PDZD2: variants seen among roughly 807,000 people sequenced by gnomAD.
PDZD2 encodes PDZ domain-containing protein 2.
In PDZD2, 90 loss-of-function variants were observed where a neutral mutation model predicts 220.7. The ratio of observed to expected loss-of-function variants is 0.41; its 90% CI spans 0.34 to 0.49. The LOEUF (loss-of-function observed/expected upper bound fraction) is 0.49. Ranked by LOEUF, PDZD2 falls within the 20% of genes least tolerant of loss-of-function variation. PDZD2 has a pLI of 0.28. For missense variants in PDZD2, 3,174 were observed against 3,608.5 expected (o/e 0.88, Z 3.08); for synonymous variants, 1,375 against 1,450.5 (o/e 0.95, Z 1.18).
At chr5:31,727,868 G>A (rs968679140) in intron 1 of PDZD2, among the ~76,000 whole-genome samples, 1 of 147,518 alleles carries the variant, frequency 6.8e-6, no homozygotes, top group East Asian at 2.0e-4. Flanking sequence ...GCCGGGTGTG[G>A]TGTGGGCCCC....
intron 2 of PDZD2, among the ~76,000 whole-genome samples, chr5:31,969,145 G>A (rs1349616240): frequency 6.6e-6 from 1 of 152,104 alleles, no homozygotes; most frequent in Non-Finnish European, 1.5e-5. Flanking sequence ...GGGACTATGA[G>A]ATCTGTCTCT....
At chr5:32,096,860 A>G (rs1743761531) in intron 21 of PDZD2, among the ~76,000 whole-genome samples, 1 of 123,478 alleles carries the variant, frequency 8.1e-6, no homozygotes, top group Non-Finnish European at 1.7e-5. Flanking sequence ...TTTTGAGACA[A>G]GGTCTCACTC....
At chr5:31,971,760 C>T (rs138578629) in intron 2 of PDZD2, among the ~76,000 whole-genome samples, 307 of 66,974 alleles carry the variant, frequency 4.6e-3, no homozygotes, top group African/African-American at 0.018. Context: ...CTCCTCTGCT[C>T]AAAACTCAGT....
intron 18 of PDZD2, among the ~76,000 whole-genome samples, chr5:32,076,455 C>T (rs960998371): frequency 6.6e-6 from 1 of 152,000 alleles, no homozygotes; most frequent in African/African-American, 2.4e-5. Context: ...TTGTACAAGA[C>T]TAATTTTTCT....
chr5:31,647,087 A>C (rs1745161711), intron 1 of PDZD2, among the ~76,000 whole-genome samples: 1 of 152,130 alleles, frequency 6.6e-6, no homozygotes, highest in African/African-American at 2.4e-5. Context: ...GGAGATGCAC[A>C]CGGCCCCTGA....
rs759569783 is a variant in PDZD2, at chr5:31,803,261, C to CTTT, written c.476+3557_476+3559dup. ...TGCAGGTGTGCACCACTGCATCTGG[C>CTTT]TTTTTTTTTTTTTTTTTTTTTTGTA... On this transcript the variant is annotated intron_variant, in intron 2 of 24. Transcript: ENST00000438447. Among the ~76,000 whole-genome samples, 550 of 92,238 alleles carry CTTT rather than the reference C, an allele frequency of 6.0e-3. 5 individuals carry two copies. The highest frequency in any genetic ancestry group is 0.013 in the Middle Eastern group (2 of 156). The allele number at this position is 92,238 out of a possible 152,430, so 60.5% of individuals were successfully genotyped here. A position where few individuals can be genotyped will look rare whatever the true frequency, so the allele number is the denominator to read the frequency against.
intron 4 of PDZD2, among the ~76,000 whole-genome samples, chr5:31,999,473 A>T (rs1033206753): frequency 6.6e-6 from 1 of 151,512 alleles, no homozygotes; most frequent in African/African-American, 2.4e-5. Context: ...GGATTGTGCC[A>T]CTCCACTCCG....
chr5:31,699,239 G>A (rs1305461651), intron 1 of PDZD2, among the ~76,000 whole-genome samples: 2 of 152,078 alleles, frequency 1.3e-5, no homozygotes, highest in South Asian at 2.1e-4. Context: ...AAAAAGAGGA[G>A]CATCTAAATC....
chr5:31,805,664 C>G (rs1314120746), intron 2 of PDZD2, among the ~76,000 whole-genome samples: 1 of 152,128 alleles, frequency 6.6e-6, no homozygotes. Flanking sequence ...TTCAAAACTA[C>G]CTTAGATGAT....
intron 2 of PDZD2, among the ~76,000 whole-genome samples, chr5:31,918,760 A>C (rs1156827585): frequency 6.6e-6 from 1 of 151,984 alleles, no homozygotes; most frequent in Non-Finnish European, 1.5e-5. Context: ...GACCCCCAAG[A>C]TCTCATTGAT....
intron 1 of PDZD2, among the ~76,000 whole-genome samples, chr5:31,731,659 G>A (rs1306023511): frequency 6.6e-6 from 1 of 152,156 alleles, no homozygotes; most frequent in African/African-American, 2.4e-5. Context: ...CGTCTGTGTT[G>A]TAGCACGTAT....
intron 8 of PDZD2, 117 bp from the exon 9 acceptor site, chr5:32,052,494 G>A (rs977900117): frequency 7.5e-6 from 7 of 938,290 alleles, no homozygotes; most frequent in Non-Finnish European, 1.2e-5. Context: ...GAACCAGAGA[G>A]AAATGTCTAG....
At chr5:31,941,420 A>G (rs1746206094) in intron 2 of PDZD2, among the ~76,000 whole-genome samples, 1 of 152,186 alleles carries the variant, frequency 6.6e-6, no homozygotes, top group Non-Finnish European at 1.5e-5. Flanking sequence ...TTGGCAGGGG[A>G]GCAATAAAGA....
intron 5 of PDZD2, among the ~76,000 whole-genome samples, chr5:32,007,267 C>T (rs1293121160): frequency 6.6e-6 from 1 of 152,016 alleles, no homozygotes; most frequent in East Asian, 1.9e-4. Context: ...CCCGCCACAG[C>T]CTCCCAAAGT....
chr5:31,917,407 A>G (rs1561070656), intron 2 of PDZD2, among the ~76,000 whole-genome samples: 1 of 152,162 alleles, frequency 6.6e-6, no homozygotes, highest in Non-Finnish European at 1.5e-5. Context: ...GGGTGCCTGC[A>G]GTCCCAGCTA....
Position 31,897,257 on chromosome 5 carries a change from G to C in PDZD2, c.477-85898G>C, listed in dbSNP as rs1222250725. Among the ~76,000 whole-genome samples, 3 of 152,116 alleles carry C rather than the reference G, an allele frequency of 2.0e-5. No homozygotes were observed. The East Asian group carries it at 5.8e-4, about 29-fold the overall frequency. On this transcript the variant is annotated intron_variant, in intron 2 of 24. Transcript: ENST00000438447. ...GCACCAGGAGTATGTCAGGCTGATGGGGAAGATATTCCTGAGAAAGTAAAC... is the reference window on the plus strand; with the variant it reads ...GCACCAGGAGTATGTCAGGCTGATGCGGAAGATATTCCTGAGAAAGTAAAC...
At chr5:31,659,173 C>G (rs1019856185) in intron 1 of PDZD2, among the ~76,000 whole-genome samples, 2 of 152,176 alleles carry the variant, frequency 1.3e-5, no homozygotes, top group African/African-American at 4.8e-5. Flanking sequence ...CTCAGTCTCT[C>G]TGAGCTCCTC....
chr5:31,878,646 GC>G (rs1380066869), intron 2 of PDZD2, among the ~76,000 whole-genome samples: 3 of 129,428 alleles, frequency 2.3e-5, no homozygotes, highest in Non-Finnish European at 3.1e-5. Context: ...TGCAGGCTCC[GC>G]CCCCCGGGGT....
Position 32,108,829 on chromosome 5 carries a change from T to G in PDZD2, c.*694T>G, listed in dbSNP as rs1448041240. On this transcript the variant is annotated 3_prime_UTR_variant, in exon 25 of 25. Transcript: ENST00000438447. ...ATAGGTTATTGATCACCATGAAGTA[T>G]TGATCATTTTCTATCTCAAAAGTGT... The G allele has an allele frequency of 6.5e-6, 1 of 152,684 alleles. No individual in the cohort carries two copies. Among genetic ancestry groups the G allele is most frequent in the African/African-American group, 2.4e-5 (1 of 41,458 alleles). The allele number at this position is 152,684 out of a possible 1,614,324, so 9.5% of individuals were successfully genotyped here. A position where few individuals can be genotyped will look rare whatever the true frequency, so the allele number is the denominator to read the frequency against.
Sources: allele counts gnomAD v4.1 joint callset (sites outside exome capture counted in the v4.1 genomes callset), GRCh38; gene constraint gnomAD v4.1.1; transcripts MANE v1.5; gene names NCBI Gene and HGNC (gene_info 2026-07-23, HGNC 2026-07-21).